Variants in ALMS1 observed in about 807,000 individuals in gnomAD.
ALMS1 encodes the protein centrosome-associated protein ALMS1.
In ALMS1, 271 loss-of-function variants were observed where a neutral mutation model predicts 352.2. The observed-to-expected ratio is 0.77, with a 90% CI of 0.70 to 0.85. The LOEUF (loss-of-function observed/expected upper bound fraction) is 0.85, where lower values mean the gene tolerates loss of function less well. Ranked by LOEUF, ALMS1 falls within the 40% of genes least tolerant of loss-of-function variation. The pLI is 0.00. For synonymous variants in ALMS1, 1,865 were observed against 1,761.2 expected, an observed-to-expected ratio of 1.06 and a Z score of -1.48; for missense variants, 5,445 against 4,870.7, an observed-to-expected ratio of 1.12 and a Z score of -3.51.
rs770909068 is a variant in ALMS1, at chr2:73,422,822, G to C, written c.647-35G>C. The C allele has an allele frequency of 3.3e-5, 50 of 1,513,212 alleles. 1 individual carries two copies. The South Asian group carries it at 5.6e-4, about 17-fold the overall frequency. 93.7% of individuals were successfully genotyped at this position (1,513,212 alleles called of 1,614,324 possible). ...TACGTAAGTAAATAATCAATTTTCA[G>C]CATTACCCAGCATTTAATATTTGAA... is the stretch of plus-strand genomic sequence containing the variant. On this transcript the variant is annotated intron_variant, in intron 3 of 22. Transcript: ENST00000613296.
intron 17 of ALMS1, 58 bp downstream of exon 17, chr2:73,599,579 G>A (rs745665601): frequency 4.3e-5 from 67 of 1,550,706 alleles, no homozygotes; most frequent in Admixed American, 1.0e-4. Context: ...TCTTAAACAT[G>A]TAAGATACTC....
Position 73,448,587 on chromosome 2 carries a change from A to G in ALMS1, c.2060A>G (p.His687Arg). The stretch of plus-strand genomic sequence containing the variant: ...TATCGACAGACCTTGCCAGATGGTC[A>G]TCTAACTGATCAGGCTCTGAAAGTC... Reference protein sequence around the residue: ...FFYRQTLPDGHLTDQALKVSA... With the variant: ...FFYRQTLPDGRLTDQALKVSA... Residue 687 changes from histidine to arginine, a missense_variant, in exon 8 of 23, where the codon CAT (histidine) becomes CGT (arginine). By Grantham distance (29) the His-to-Arg change is conservative. Coordinates refer to ENST00000613296, the MANE Select transcript of ALMS1 (RefSeq NM_001378454.1). The G allele has an allele frequency of 1.2e-6, 2 of 1,614,066 alleles. No individual in the cohort carries two copies. The highest frequency in any genetic ancestry group is 1.1e-5 in the South Asian group (1 of 91,088).
intron 12 of ALMS1, among the ~76,000 whole-genome samples, chr2:73,544,958 T>A (rs1322501752): frequency 6.6e-6 from 1 of 152,174 alleles, no homozygotes; most frequent in African/African-American, 2.4e-5. Context: ...AGTCTGCTTA[T>A]ATGAGGTACC....
In ALMS1 at chr2:73,490,944, G is replaced by C; in HGVS notation, c.8985G>C (p.Val2995=). 1 of 1,614,124 alleles carries C rather than the reference G, an allele frequency of 6.2e-7. No individual in the cohort carries two copies. The highest frequency in any genetic ancestry group is 8.5e-7 in the Non-Finnish European group (1 of 1,180,012). ...FPLPQGQDCV[V]EKNNQHKPKS... is the part of the protein sequence containing the mutation. Reference sequence around the variant, plus strand: ...TTCCTCAAGGTCAGGATTGTGTAGTGGAAAAGAATAATCAACATAAGCCTA... The same window carrying C: ...TTCCTCAAGGTCAGGATTGTGTAGTCGAAAAGAATAATCAACATAAGCCTA... Residue 2995 remains valine, a synonymous_variant, in exon 10 of 23, where the codon GTG becomes GTC. Transcript: ENST00000613296.
At chr2:73,426,307 A>G (rs1558640003) in intron 5 of ALMS1, 146 bp from the exon 6 acceptor site, 5 of 823,294 alleles carry the variant, frequency 6.1e-6, no homozygotes, top group Non-Finnish European at 1.0e-5. Context: ...TGCTTGTACC[A>G]TTGACCAGTG....
rs996036496 is a variant in ALMS1, at chr2:73,489,971, C to T, written c.8012C>T (p.Pro2671Leu). The change falls in exon 10 of 23, where the codon CCA becomes CTA. Residue 2671 changes from proline to leucine, a missense_variant. Transcript: ENST00000613296. ...AAAATCAGCAAAGGTCTTCGAATGC[C>T]ATTCGATGAAAAGATGGACCCTTGG... ...EFKISKGLRM[P>L]FDEKMDPWLS... 35 of 1,614,068 alleles carry T rather than the reference C, an allele frequency of 2.2e-5. No homozygotes were observed. Among genetic ancestry groups the T allele is most frequent in the Admixed American group, 3.3e-5 (2 of 59,996 alleles).
At chr2:73,571,773 A>G (rs1674932651) in intron 15 of ALMS1, among the ~76,000 whole-genome samples, 1 of 152,218 alleles carries the variant, frequency 6.6e-6, no homozygotes. Flanking sequence ...AGGAATTTCA[A>G]AGGGCTCTAA....
chr2:73,475,530 C>A (rs1176320394), intron 9 of ALMS1, among the ~76,000 whole-genome samples: 2 of 152,020 alleles, frequency 1.3e-5, no homozygotes, highest in Non-Finnish European at 2.9e-5. Context: ...TGATGAAATA[C>A]CTATTCAAAT....
rs1272778998 is a variant in ALMS1, at chr2:73,453,714, G to T, written c.7187G>T (p.Ser2396Ile). ...SVMRSEPEGC[S>I]GTIGNKIIIP... is the part of the protein sequence containing the mutation. ...ATGAGGTCTGAACCTGAAGGGTGTAGTGGAACCATTGGGAATAAAATTATT... is the reference window on the plus strand; with the variant it reads ...ATGAGGTCTGAACCTGAAGGGTGTATTGGAACCATTGGGAATAAAATTATT... Residue 2396 changes from serine (S) to isoleucine (I), a missense_variant, in exon 8 of 23, where the codon AGT becomes ATT. Coordinates refer to ENST00000613296, the MANE Select transcript of ALMS1 (RefSeq NM_001378454.1). 6.2e-7 allele frequency: 1 copy of T among 1,614,134 alleles called. No homozygotes were observed.
chr2:73,604,881 CTG>C (rs2104207493), intron 21 of ALMS1, among the ~76,000 whole-genome samples: 1 of 152,318 alleles, frequency 6.6e-6, no homozygotes, highest in Admixed American at 6.5e-5. Flanking sequence ...TGGCACCAAA[CTG>C]TAGTAGTCTA....
chr2:73,576,409 C>T lies in ALMS1; in HGVS notation c.11547+2985C>T, dbSNP rs151151834. 1.2e-4 allele frequency among the ~76,000 whole-genome samples: 18 copies of T among 152,176 alleles called. No individual in the cohort carries two copies. The East Asian group carries it at 3.3e-3, about 28-fold the overall frequency. ...ATTATTCATTGCTAATGTATAGGTA[C>T]ATAAATAATTTTTACATACTGATCT... On this transcript the variant is annotated intron_variant, in intron 16 of 22. Transcript: ENST00000613296.
intron 11 of ALMS1, among the ~76,000 whole-genome samples, chr2:73,527,429 T>G (rs1201630966): frequency 6.6e-6 from 1 of 152,098 alleles, no homozygotes; most frequent in African/African-American, 2.4e-5. Flanking sequence ...AGACTTTTTA[T>G]TACAACTTTT....
intron 10 of ALMS1, among the ~76,000 whole-genome samples, chr2:73,509,515 T>C (rs949885652): frequency 6.6e-6 from 1 of 152,188 alleles, no homozygotes; most frequent in Non-Finnish European, 1.5e-5. Context: ...CCTTCACTTA[T>C]GATGCTTAGT....
chr2:73,590,387 A>C (rs569576122), intron 16 of ALMS1, among the ~76,000 whole-genome samples: 22 of 152,348 alleles, frequency 1.4e-4, no homozygotes, highest in Admixed American at 7.8e-4. Context: ...AATTAATTGT[A>C]CGTTAGACAA....
chr2:73,420,425 G>A (rs1247163294), intron 3 of ALMS1, among the ~76,000 whole-genome samples: 2 of 152,130 alleles, frequency 1.3e-5, no homozygotes, highest in East Asian at 1.9e-4. Flanking sequence ...ACAAACAACA[G>A]TAGTATGTAT....
chr2:73,460,918 A>C (rs1197944732), intron 9 of ALMS1, among the ~76,000 whole-genome samples: 2 of 152,228 alleles, frequency 1.3e-5, no homozygotes, highest in Admixed American at 6.5e-5. Context: ...TGCAGGCTTG[A>C]TTAGGTAAAC....
rs757734472 is a variant in ALMS1 at position 73,572,914 on chromosome 2, TAAAAGCCTAGAG to T, written c.11045_11056del (p.Leu3682_Ser3685del). On this transcript the variant is annotated inframe_deletion, in exon 16 of 23. Transcript: ENST00000613296. ...ATAAGCTTCAGAAAAAGAAGCGGTT[TAAAAGCCTAGAG>T]AAAAGCCATAAAAATACAGGCGAGC... 2.5e-6 allele frequency: 4 copies of T among 1,613,354 alleles called. No homozygotes were observed. In the African/African-American group the frequency reaches 5.3e-5, roughly 22 times the overall value.
chr2:73,579,433 T>C (rs1288267157), intron 16 of ALMS1, among the ~76,000 whole-genome samples: 2 of 151,950 alleles, frequency 1.3e-5, no homozygotes, highest in Non-Finnish European at 1.5e-5. Context: ...TGATCTTGGC[T>C]CACTGCAACC....
intron 9 of ALMS1, among the ~76,000 whole-genome samples, chr2:73,466,777 A>G (rs1334625244): frequency 6.6e-6 from 1 of 152,174 alleles, no homozygotes; most frequent in African/African-American, 2.4e-5. Context: ...CTAAATACTT[A>G]AGTATATGAA....
Sources: gnomAD v4.1 joint callset for allele counts (sites outside exome capture counted in the v4.1 genomes callset) on GRCh38, gnomAD v4.1.1 for gene constraint, MANE v1.5 for transcripts, NCBI Gene and HGNC (gene_info 2026-07-23, HGNC 2026-07-21) for gene names.